NOD2: variants seen among roughly 807,000 people sequenced by gnomAD.
NOD2 encodes nucleotide-binding oligomerization domain-containing protein 2.
A neutral mutation model predicts 90.9 loss-of-function variants in NOD2; 86 were observed. The observed-to-expected ratio is 0.95, with a 90% confidence interval of 0.79 to 1.13. The LOEUF (loss-of-function observed/expected upper bound fraction) is 1.13, where lower values mean the gene tolerates loss of function less well. NOD2 is among the 50% of genes most tolerant of loss of function. The pLI is 0.00. For synonymous variants in NOD2, 581 were observed against 554.6 expected, an observed-to-expected ratio of 1.05 and a Z score of -0.67; for missense variants, 1,238 against 1,283.8, an observed-to-expected ratio of 0.96 and a Z score of 0.55.
intron 2 of NOD2, among the ~76,000 whole-genome samples, chr16:50,706,293 T>G (rs1444731317): frequency 6.6e-6 from 1 of 152,220 alleles, no homozygotes; most frequent in Non-Finnish European, 1.5e-5. Flanking sequence ...TTGTCTGTTT[T>G]GGGCCCTGAA....
intron 2 of NOD2, among the ~76,000 whole-genome samples, chr16:50,703,697 A>G: frequency 6.6e-6 from 1 of 151,958 alleles, no homozygotes; most frequent in African/African-American, 2.4e-5. Flanking sequence ...AAAAAAAAAA[A>G]AAAAAAGAAA....
Position 50,732,096 on chromosome 16 carries a change from T to C in NOD2, c.*277T>C. 2.1e-6 allele frequency: 1 copy of C among 471,118 alleles called. No individual in the cohort carries two copies. 29.2% of individuals were successfully genotyped at this position (471,118 alleles called of 1,614,324 possible). On this transcript the variant is annotated 3_prime_UTR_variant, in exon 12 of 12. Transcript: ENST00000647318. ...TACAAGGACAGCCCCTCCTCCATAGTATGGGACTGGCCTCTGCTGATCCTC... is the reference window on the plus strand; with the variant it reads ...TACAAGGACAGCCCCTCCTCCATAGCATGGGACTGGCCTCTGCTGATCCTC...
intron 2 of NOD2, among the ~76,000 whole-genome samples, chr16:50,701,060 G>A (rs1018870705): frequency 1.3e-5 from 2 of 152,226 alleles, no homozygotes; most frequent in African/African-American, 4.8e-5. Context: ...AAATCGGGAA[G>A]TTGAGACCAA....
intron 2 of NOD2, among the ~76,000 whole-genome samples, chr16:50,706,878 A>G (rs1964218415): frequency 6.6e-6 from 1 of 151,876 alleles, no homozygotes; most frequent in South Asian, 2.1e-4. Context: ...TTGTATTTTT[A>G]GTAGTGATGG....
In NOD2 at chr16:50,710,972, G is replaced by C; in HGVS notation, c.980G>C (p.Cys327Ser). 2 of 1,614,244 alleles carry C rather than the reference G, an allele frequency of 1.2e-6. No individual in the cohort carries two copies. The highest frequency in any genetic ancestry group is 1.7e-6 in the Non-Finnish European group (2 of 1,180,038). The change falls in exon 4 of 12, where the codon TGT (cysteine) becomes TCT (serine). Residue 327 changes from cysteine to serine, a missense_variant. By Grantham distance (112) the Cys-to-Ser change is moderately radical. Coordinates refer to ENST00000647318, the MANE Select transcript of NOD2 (RefSeq NM_001370466.1). ...SVRTLLFEHC[C>S]WPDVGQEDIF... ...CGGACTCTACTCTTTGAGCACTGCT[G>C]TTGGCCTGATGTTGGTCAAGAAGAC... is the stretch of plus-strand genomic sequence containing the variant.
At chr16:50,699,243 T>C (rs1220204657) in intron 1 of NOD2, among the ~76,000 whole-genome samples, 1 of 152,164 alleles carries the variant, frequency 6.6e-6, no homozygotes, top group Admixed American at 6.5e-5. Flanking sequence ...AGCATGGATA[T>C]GGGAGTTAGG....
Position 50,711,966 on chromosome 16 carries a change from G to A in NOD2, c.1974G>A (p.Glu658=), listed in dbSNP as rs1433767166. Residue 658 remains glutamate (E), a synonymous_variant, in exon 4 of 12, where the codon GAG becomes GAA. Transcript: ENST00000647318. The part of the protein sequence containing the change: ...AAFLAGLLSR[E]HWGLLAECQT... The stretch of plus-strand genomic sequence containing the variant: ...TCCTGGCAGGGCTGTTGTCCCGGGA[G>A]CACTGGGGCCTGCTGGCTGAGTGCC... 2 of 1,613,410 alleles carry A rather than the reference G, an allele frequency of 1.2e-6. No homozygotes were observed. The highest frequency in any genetic ancestry group is 2.2e-5 in the South Asian group (2 of 91,042).
At chr16:50,698,252 G>A (rs751119085) in intron 1 of NOD2, among the ~76,000 whole-genome samples, 2 of 152,228 alleles carry the variant, frequency 1.3e-5, no homozygotes, top group Admixed American at 1.3e-4. Flanking sequence ...CAGGGACCCT[G>A]CCAGGGCTTG....
chr16:50,729,723 A>T, intron 10 of NOD2, 95 bp from the exon 11 acceptor site: 1 of 1,014,768 alleles, frequency 9.9e-7, no homozygotes, highest in Non-Finnish European at 1.6e-6. Context: ...GGTGGGCTTC[A>T]GTAGACTGGC....
intron 4 of NOD2, 183 bp downstream of exon 4, chr16:50,712,556 C>A: frequency 1.4e-6 from 1 of 720,580 alleles, no homozygotes; most frequent in Non-Finnish European, 2.3e-6. Flanking sequence ...GACAGCCACA[C>A]TTTATTGACT....
chr16:50,720,072 G>A (rs1964984580), intron 7 of NOD2, 64 bp downstream of exon 7: 7 of 1,477,378 alleles, frequency 4.7e-6, no homozygotes, highest in Non-Finnish European at 3.8e-6. Context: ...GGATTTAGGG[G>A]CAGGTGAAAC....
rs536437632 is a variant in NOD2 at position 50,716,425 on chromosome 16, C to T, written c.2382-162C>T. On this transcript the variant is annotated intron_variant, in intron 4 of 11. Coordinates refer to ENST00000647318, the MANE Select transcript of NOD2 (RefSeq NM_001370466.1). ...CCACGTCACCTCCCTGGCCAGGGAC[C>T]GTGGGGTCTCCACTTTTTTGGGGTG... Among the ~76,000 whole-genome samples, 195 of 152,234 alleles carry T rather than the reference C, an allele frequency of 1.3e-3. 1 individual carries two copies. Among genetic ancestry groups the T allele is most frequent in the Non-Finnish European group, 2.1e-3 (142 of 68,002 alleles).
rs377705489 is a variant in NOD2, at chr16:50,720,731, G to A, written c.2633+723G>A. 2.0e-5 allele frequency among the ~76,000 whole-genome samples: 3 copies of A among 152,352 alleles called. No homozygotes were observed. In the East Asian group the frequency reaches 5.8e-4, roughly 29 times the overall value. Reference sequence around the variant, plus strand: ...TTTAGAACCTGGGACTGTAGGAAGAGAGAATAACCTTAGGGCCTAGGTGTT... The same window carrying A: ...TTTAGAACCTGGGACTGTAGGAAGAAAGAATAACCTTAGGGCCTAGGTGTT... On this transcript the variant is annotated intron_variant, in intron 7 of 11. Coordinates refer to ENST00000647318, the MANE Select transcript of NOD2 (RefSeq NM_001370466.1).
At chr16:50,714,443 G>A (rs1964686591) in intron 4 of NOD2, among the ~76,000 whole-genome samples, 1 of 152,100 alleles carries the variant, frequency 6.6e-6, no homozygotes, top group South Asian at 2.1e-4. Context: ...TGATACAAGT[G>A]GTCTCGCCCT....
intron 1 of NOD2, among the ~76,000 whole-genome samples, chr16:50,698,767 C>T (rs1411470641): frequency 3.3e-5 from 5 of 152,108 alleles, no homozygotes; most frequent in Admixed American, 6.5e-5. Context: ...TGCAGGAGAG[C>T]ACTTAGAATG....
chr16:50,722,514 C>A, intron 7 of NOD2, 108 bp from the exon 8 acceptor site: 1 of 1,082,208 alleles, frequency 9.2e-7, no homozygotes, highest in South Asian at 1.2e-5. Context: ...ATTGAGTGGT[C>A]CTGCCCCTCT....
At chr16:50,708,399 A>G (rs1292989575) in intron 3 of NOD2, among the ~76,000 whole-genome samples, 7 of 152,186 alleles carry the variant, frequency 4.6e-5, no homozygotes, top group African/African-American at 1.7e-4. Flanking sequence ...GCCCAGGGTC[A>G]CCACCCAAAC....
At chr16:50,694,695 T>G (rs61199363) in intron 1 of NOD2, among the ~76,000 whole-genome samples, 5,380 of 152,202 alleles carry the variant, frequency 0.035, 243 homozygotes, top group East Asian at 0.11. Context: ...CATGTCTGTC[T>G]CCCGGAGCCA....
chr16:50,731,731 A>G lies in NOD2; in HGVS notation c.2970-16A>G, dbSNP rs530365159. The G allele has an allele frequency of 3.4e-5, 54 of 1,601,154 alleles. No homozygotes were observed. In the South Asian group the frequency reaches 3.5e-4, roughly 10 times the overall value. On this transcript the variant is annotated splice_polypyrimidine_tract_variant and intron_variant, in intron 11 of 11. Coordinates refer to ENST00000647318, the MANE Select transcript of NOD2 (RefSeq NM_001370466.1). ...TTTGTCCTCACTCAAACCTCTGTTCACTTGATCTGCTTTAGGCTCCGAGGG... is the reference window on the plus strand; with the variant it reads ...TTTGTCCTCACTCAAACCTCTGTTCGCTTGATCTGCTTTAGGCTCCGAGGG...
Sources: allele counts gnomAD v4.1 joint callset (sites outside exome capture counted in the v4.1 genomes callset), GRCh38; gene constraint gnomAD v4.1.1; transcripts MANE v1.5; gene names NCBI Gene and HGNC (gene_info 2026-07-23, HGNC 2026-07-21).